Variants in ELP1 observed in about 807,000 individuals in gnomAD.
ELP1 encodes elongator acetyltransferase complex subunit 1, also known as elongator complex protein 1.
In ELP1, 131 loss-of-function variants were observed where a neutral mutation model predicts 183.2. That is an observed-to-expected ratio of 0.72 (90% CI 0.62 to 0.83). The LOEUF is 0.83. Ranked by LOEUF, ELP1 falls within the 40% of genes least tolerant of loss-of-function variation. The pLI is 0.00. For missense variants in ELP1, 1,550 were observed against 1,594.9 expected (o/e 0.97, Z 0.48); for synonymous variants, 555 against 569.0 (o/e 0.98, Z 0.35).
chr9:108,879,562 A>C lies in ELP1; in HGVS notation c.3461-5T>G. The stretch of plus-strand genomic sequence containing the variant: ...GCCCGTGGGGTACCTCATCATCTAG[A>C]AAAGAAGAACCAGAAGCCGATGAAA... On this transcript the variant is annotated splice_polypyrimidine_tract_variant and splice_region_variant and intron_variant, in intron 32 of 36. Coordinates refer to ENST00000374647, the MANE Select transcript of ELP1 (RefSeq NM_003640.5). 1.2e-6 allele frequency: 2 copies of C among 1,606,618 alleles called. No individual in the cohort carries two copies. Among genetic ancestry groups the C allele is most frequent in the Non-Finnish European group, 1.7e-6 (2 of 1,173,204 alleles).
chr9:108,899,733 T>G, intron 20 of ELP1, 89 bp downstream of exon 20: 1 of 1,082,764 alleles, frequency 9.2e-7, no homozygotes, highest in Non-Finnish European at 1.4e-6. Flanking sequence ...TTTTCATAAT[T>G]TTAAGTTCTC....
intron 10 of ELP1, among the ~76,000 whole-genome samples, chr9:108,912,703 A>G (rs1382049563): frequency 2.1e-5 from 3 of 146,252 alleles, no homozygotes; most frequent in Non-Finnish European, 4.5e-5. Flanking sequence ...ATATATGTTT[A>G]TTTTCTTGTT....
chr9:108,928,437 G>A (rs1036388981), intron 3 of ELP1, among the ~76,000 whole-genome samples: 4 of 152,180 alleles, frequency 2.6e-5, no homozygotes, highest in Admixed American at 1.3e-4. Context: ...TTTTTCTGAC[G>A]TGTTTCAAAG....
chr9:108,877,177 G>A (rs1044768641), intron 35 of ELP1, among the ~76,000 whole-genome samples: 14 of 152,138 alleles, frequency 9.2e-5, no homozygotes, highest in Non-Finnish European at 1.6e-4. Context: ...GCTCTACAGG[G>A]CCCCACTTCC....
chr9:108,882,242 C>A, intron 29 of ELP1, 55 bp from the exon 30 acceptor site: 1 of 1,510,620 alleles, frequency 6.6e-7, no homozygotes, highest in Non-Finnish European at 9.1e-7. Context: ...CAGATGTCAT[C>A]ACAGCCAACT....
intron 8 of ELP1, among the ~76,000 whole-genome samples, chr9:108,918,168 A>T (rs1409158470): frequency 6.6e-6 from 1 of 152,154 alleles, no homozygotes; most frequent in East Asian, 1.9e-4. Context: ...CTTCTGCTCT[A>T]TCATATAATA....
At chr9:108,928,581 A>G (rs1416320104) in intron 3 of ELP1, among the ~76,000 whole-genome samples, 1 of 152,160 alleles carries the variant, frequency 6.6e-6, no homozygotes, top group East Asian at 1.9e-4. Context: ...CAATGGGGGG[A>G]TGAGGCTAAA....
Position 108,879,457 on chromosome 9 carries a change from G to A in ELP1, c.3561C>T (p.Ser1187=), listed in dbSNP as rs781284578. ...EMSGKYSHSN[S]RISARSSKNR... Reference sequence around the variant, plus strand: ...AATGTGATACGTACGCTGATATCCTGGAGTTACTATGGGAGTATTTGCCAC... The same window carrying A: ...AATGTGATACGTACGCTGATATCCTAGAGTTACTATGGGAGTATTTGCCAC... Residue 1187 remains serine (S), a synonymous_variant, in exon 33 of 37, where the codon TCC becomes TCT. Coordinates refer to ENST00000374647, the MANE Select transcript of ELP1 (RefSeq NM_003640.5). The A allele has an allele frequency of 1.4e-5, 22 of 1,610,582 alleles. No homozygotes were observed. In the South Asian group the frequency reaches 2.4e-4, roughly 18 times the overall value.
chr9:108,895,102 A>T (rs573771641), intron 25 of ELP1, among the ~76,000 whole-genome samples: 112 of 152,288 alleles, frequency 7.4e-4, no homozygotes, highest in African/African-American at 2.6e-3. Context: ...TTCAAAACTT[A>T]GCCGGGCATG....
intron 34 of ELP1, 52 bp downstream of exon 34, chr9:108,878,571 C>A: frequency 6.2e-7 from 1 of 1,611,744 alleles, no homozygotes; most frequent in Non-Finnish European, 8.5e-7. Context: ...GTCTGTACTG[C>A]CTATTCACTA....
rs763262745 is a variant in ELP1, at chr9:108,881,714, T to C, written c.3337A>G (p.Ile1113Val). Reference sequence around the variant, plus strand: ...AAAATGGAACCCTCACCTTCTAAAATGGAAGGCTTTACGTTGGTTTCTATA... The same window carrying C: ...AAAATGGAACCCTCACCTTCTAAAACGGAAGGCTTTACGTTGGTTTCTATA... ...DIIETNVKPSILEAQKNYMAF... is the reference protein window; with the variant it reads ...DIIETNVKPSVLEAQKNYMAF... Residue 1113 changes from isoleucine to valine, a missense_variant, in exon 31 of 37, where the codon ATT becomes GTT. Physicochemically the swap from Ile to Val is conservative, Grantham distance 29. Coordinates refer to ENST00000374647, the MANE Select transcript of ELP1 (RefSeq NM_003640.5). The C allele has an allele frequency of 1.3e-6, 2 of 1,574,702 alleles. No individual in the cohort carries two copies. The highest frequency in any genetic ancestry group is 8.7e-7 in the Non-Finnish European group (1 of 1,144,464).
At position 108,893,932 on chromosome 9, in the gene ELP1, C is replaced by G. The variant is rs1262393235; in HGVS notation, c.2860+11G>C. 6.2e-7 allele frequency: 1 copy of G among 1,613,536 alleles called. No homozygotes were observed. The highest frequency in any genetic ancestry group is 1.1e-5 in the South Asian group (1 of 91,050). On this transcript the variant is annotated intron_variant, in intron 26 of 36. Coordinates refer to ENST00000374647, the MANE Select transcript of ELP1 (RefSeq NM_003640.5). Reference sequence around the variant, plus strand: ...TGAAGTAGAGATAAACATACTAATCCCCACACTTACCACATTTGCTGAGGT... The same window carrying G: ...TGAAGTAGAGATAAACATACTAATCGCCACACTTACCACATTTGCTGAGGT...
chr9:108,884,345 A>G (rs1311720451), intron 29 of ELP1, among the ~76,000 whole-genome samples: 2 of 152,176 alleles, frequency 1.3e-5, no homozygotes, highest in South Asian at 2.1e-4. Context: ...TTGATAGAGC[A>G]AGTAGTGAGG....
intron 1 of ELP1, among the ~76,000 whole-genome samples, chr9:108,933,615 A>C (rs1325668774): frequency 6.6e-6 from 1 of 152,266 alleles, no homozygotes; most frequent in Non-Finnish European, 1.5e-5. Context: ...CCCTGCAAGC[A>C]ATCAAGAGGC....
Position 108,870,434 on chromosome 9 carries a change from A to T in ELP1, c.3932-1252T>A, listed in dbSNP as rs138195659. 3.6e-4 allele frequency among the ~76,000 whole-genome samples: 55 copies of T among 152,368 alleles called. 1 individual carries two copies. Among genetic ancestry groups the T allele is most frequent in the African/African-American group, 1.3e-3 (52 of 41,590 alleles). Reference sequence around the variant, plus strand: ...GAGAAAAGAAAATATTAAGAAAATCATAAAGAAAACAATATTTACTATTCA... The same window carrying T: ...GAGAAAAGAAAATATTAAGAAAATCTTAAAGAAAACAATATTTACTATTCA... On this transcript the variant is annotated intron_variant, in intron 36 of 36. Coordinates refer to ENST00000374647, the MANE Select transcript of ELP1 (RefSeq NM_003640.5).
intron 29 of ELP1, among the ~76,000 whole-genome samples, chr9:108,888,346 A>G (rs966304804): frequency 5.3e-5 from 8 of 152,238 alleles, no homozygotes; most frequent in Non-Finnish European, 1.2e-4. Flanking sequence ...CTACAAACAT[A>G]TGTCCAAATG....
intron 27 of ELP1, among the ~76,000 whole-genome samples, chr9:108,892,028 A>C (rs974116507): frequency 2.0e-5 from 3 of 152,202 alleles, no homozygotes; most frequent in African/African-American, 7.2e-5. Flanking sequence ...CAAATCCTCG[A>C]TTCTCCAGGC....
intron 27 of ELP1, among the ~76,000 whole-genome samples, chr9:108,891,840 CAGG>C (rs950302209): frequency 2.6e-5 from 4 of 152,060 alleles, no homozygotes; most frequent in Admixed American, 2.0e-4. Context: ...TAATGGCTGT[CAGG>C]AGAATAAACC....
In ELP1 at chr9:108,896,995, G is replaced by A. The variant is rs34550675; in HGVS notation, c.2545C>T (p.Pro849Ser). 1 of 1,614,004 alleles carries A rather than the reference G, an allele frequency of 6.2e-7. No homozygotes were observed. Among genetic ancestry groups the A allele is most frequent in the East Asian group, 2.2e-5 (1 of 44,882 alleles). Residue 849 changes from proline to serine, a missense_variant, in exon 24 of 37, where the codon CCA (proline) becomes TCA (serine). Transcript: ENST00000374647. ...ILTSHVKKTT[P>S]ELEIVLQKVH... The stretch of plus-strand genomic sequence containing the variant: ...TTTTGCAGTACAATTTCCAGTTCTG[G>A]GGTTGTCTTCTTTACATGAGATGTA...
Sources: allele counts gnomAD v4.1 joint callset (sites outside exome capture counted in the v4.1 genomes callset), GRCh38; gene constraint gnomAD v4.1.1; transcripts MANE v1.5; gene names NCBI Gene and HGNC (gene_info 2026-07-23, HGNC 2026-07-21).